The following PROX1 variants were observed in gnomAD, a reference collection of about 807,000 sequenced individuals.
The protein encoded by PROX1 is prospero homeobox protein 1.
In PROX1, 7 loss-of-function variants were observed where a neutral mutation model predicts 58.8. The ratio of observed to expected loss-of-function variants is 0.12; its 90% CI spans 0.07 to 0.22. The LOEUF is 0.22. Ranked by LOEUF, PROX1 falls within the 10% of genes least tolerant of loss-of-function variation. PROX1 has a pLI of 1.00. For synonymous variants in PROX1, 350 were observed against 358.3 expected, an observed-to-expected ratio of 0.98 and a Z score of 0.26; for missense variants, 675 against 927.8, an observed-to-expected ratio of 0.73 and a Z score of 3.54.
At chr1:214,026,173 G>A (rs554473841) in intron 4 of PROX1, among the ~76,000 whole-genome samples, 4 of 152,140 alleles carry the variant, frequency 2.6e-5, no homozygotes, top group Non-Finnish European at 5.9e-5. Context: ...GTTTAAACTT[G>A]GAATCACTTT....
At chr1:214,028,911 A>T (rs1056342635) in intron 4 of PROX1, 6 of 152,136 alleles carry the variant, frequency 3.9e-5, no homozygotes, top group Non-Finnish European at 7.3e-5. Context: ...CTGGCAGGAG[A>T]GTTTAGTGTG....
At chr1:213,998,356 T>A (rs1663365554) in intron 2 of PROX1, 96 bp downstream of exon 2, 9 of 1,355,366 alleles carry the variant, frequency 6.6e-6, no homozygotes, top group Non-Finnish European at 7.9e-6. Context: ...TAGATTAGTA[T>A]CTTCTTAAGA....
At chr1:214,018,695 A>G (rs938667348) in intron 4 of PROX1, among the ~76,000 whole-genome samples, 12 of 152,226 alleles carry the variant, frequency 7.9e-5, no homozygotes, top group Admixed American at 5.9e-4. Context: ...GTTCATGACA[A>G]CTTCAAGGCT....
intron 4 of PROX1, 98 bp from the exon 5 acceptor site, chr1:214,035,551 C>A: frequency 3.3e-6 from 4 of 1,227,916 alleles, no homozygotes; most frequent in Non-Finnish European, 3.3e-6. Context: ...CCATGTAAGC[C>A]CCTTTCTGCA....
At chr1:213,983,517 T>C (rs235924), upstream of PROX1, among the ~76,000 whole-genome samples, 98,685 of 152,142 alleles carry the variant, frequency 0.65, 32,288 homozygotes, top group East Asian at 0.84. Context: ...CGTGCAAAGG[T>C]GTCCCCTTCA....
At chr1:213,987,481 A>G (rs1571788723), upstream of PROX1, 1 of 105,686 alleles carries the variant, frequency 9.5e-6, no homozygotes, top group Non-Finnish European at 1.8e-5. Context: ...GCCTTCCTCC[A>G]CCCAAGTCGG....
intron 2 of PROX1, 146 bp downstream of exon 2, chr1:213,998,406 C>T: frequency 2.0e-6 from 2 of 1,008,166 alleles, no homozygotes; most frequent in Non-Finnish European, 2.7e-6. Context: ...AGGCTTTTAT[C>T]AGCATGCGTG....
intron 4 of PROX1, 71 bp from the exon 5 acceptor site, chr1:214,035,578 A>C (rs1664801555): frequency 6.9e-7 from 1 of 1,458,882 alleles, no homozygotes; most frequent in Non-Finnish European, 9.2e-7. Context: ...ATCTTAGCTC[A>C]GTTTCCTTGG....
intron 1 of PROX1, among the ~76,000 whole-genome samples, chr1:213,990,839 G>A (rs767702419): frequency 3.3e-5 from 5 of 152,056 alleles, no homozygotes; most frequent in African/African-American, 1.2e-4. Flanking sequence ...GAAAGAATAG[G>A]TATGTACATA....
chr1:213,985,510 G>A (rs2102669627), upstream of PROX1: 1 of 152,366 alleles, frequency 6.6e-6, no homozygotes, highest in East Asian at 1.9e-4. Flanking sequence ...CGCCGCTCCT[G>A]CGCCCTAATG....
intron 2 of PROX1, among the ~76,000 whole-genome samples, chr1:213,999,286 T>A (rs1244383751): frequency 6.6e-6 from 1 of 152,034 alleles, no homozygotes; most frequent in Non-Finnish European, 1.5e-5. Context: ...CTTTTGGGAG[T>A]AGTAAAATAG....
intron 3 of PROX1, among the ~76,000 whole-genome samples, chr1:214,005,639 G>T (rs960035477): frequency 6.6e-6 from 1 of 152,126 alleles, no homozygotes; most frequent in South Asian, 2.1e-4. Context: ...TTTTGTTTCT[G>T]TTGGTTTCCC....
intron 1 of PROX1, among the ~76,000 whole-genome samples, chr1:213,995,466 T>G (rs1028978986): frequency 6.8e-5 from 7 of 102,910 alleles, no homozygotes; most frequent in Non-Finnish European, 1.3e-4. Flanking sequence ...TTTTTCTGTT[T>G]TTTTTTTTCC....
intron 4 of PROX1, among the ~76,000 whole-genome samples, chr1:214,034,023 T>C (rs1664749459): frequency 6.6e-6 from 1 of 152,182 alleles, no homozygotes; most frequent in Admixed American, 6.5e-5. Flanking sequence ...TCCTAAGAAA[T>C]GGGCCAGTGT....
chr1:214,011,766 A>T (rs781151350), intron 4 of PROX1, 51 bp downstream of exon 4: 2 of 1,458,526 alleles, frequency 1.4e-6, no homozygotes, highest in Admixed American at 4.6e-5. Flanking sequence ...TTTTTTAAAA[A>T]ATTTATTTTC....
upstream of PROX1, chr1:213,985,485 G>C (rs1444420173): frequency 6.6e-6 from 1 of 152,204 alleles, no homozygotes; most frequent in Non-Finnish European, 1.5e-5. Flanking sequence ...CGTGGCGCGC[G>C]CTCCTATTTC....
At chr1:214,021,301 T>C (rs1033909556) in intron 4 of PROX1, among the ~76,000 whole-genome samples, 1 of 152,180 alleles carries the variant, frequency 6.6e-6, no homozygotes. Flanking sequence ...GCTGGGAAAA[T>C]ACTATCTTCT....
intron 1 of PROX1, 155 bp downstream of exon 1, chr1:213,988,638 G>T (rs544379688): frequency 2.0e-5 from 3 of 152,282 alleles, no homozygotes; most frequent in Non-Finnish European, 2.9e-5. Flanking sequence ...TTATTCAAAT[G>T]AATCATAATA....
At chr1:214,020,436 C>T (rs906190506) in intron 4 of PROX1, among the ~76,000 whole-genome samples, 3 of 152,188 alleles carry the variant, frequency 2.0e-5, no homozygotes, top group Admixed American at 6.5e-5. Flanking sequence ...CCCCAGCCCT[C>T]AACAATGACC....
Sources: allele counts gnomAD v4.1 joint callset (sites outside exome capture counted in the v4.1 genomes callset), GRCh38; gene constraint gnomAD v4.1.1; transcripts MANE v1.5; gene names NCBI Gene and HGNC (gene_info 2026-07-23, HGNC 2026-07-21).